TBL1X: variants seen among roughly 807,000 people sequenced by gnomAD.
The protein encoded by TBL1X is transducin beta like 1 X-linked.
Under a neutral mutation model 50.7 loss-of-function variants are expected in TBL1X, and 10 were observed. The observed-to-expected ratio is 0.20, with a 90% CI of 0.12 to 0.33. The LOEUF (loss-of-function observed/expected upper bound fraction) is 0.33, where lower values mean the gene tolerates loss of function less well. Among genes scored for constraint, TBL1X ranks in the 10% least tolerant of loss-of-function variants. The pLI is 1.00. For missense variants in TBL1X, 340 were observed against 504.4 expected (o/e 0.67, Z 3.12); for synonymous variants, 190 against 214.7 (o/e 0.88, Z 1.01).
intron 1 of TBL1X, among the ~76,000 whole-genome samples, chrX:9,490,143 A>AT (rs71707662): frequency 0.16 from 17,510 of 106,766 alleles, 1,332 homozygotes; most frequent in African/African-American, 0.27. Context: ...CTTTTTAAAC[A>AT]TTTTTTTTGT....
chrX:9,627,918 C>T (rs1392887623), intron 2 of TBL1X, among the ~76,000 whole-genome samples: 1 of 111,976 alleles, frequency 8.9e-6, no homozygotes, highest in Non-Finnish European at 1.9e-5. Context: ...ATATAATGGA[C>T]ATAATATTAA....
At chrX:9,541,766 G>A (rs1289865165) in intron 2 of TBL1X, among the ~76,000 whole-genome samples, 1 of 111,013 alleles carries the variant, frequency 9.0e-6, no homozygotes, top group African/African-American at 3.3e-5. Context: ...GCAGCGTTTT[G>A]GTCACCCCTC....
chrX:9,626,666 A>G (rs749902039), intron 2 of TBL1X, among the ~76,000 whole-genome samples: 6 of 112,766 alleles, frequency 5.3e-5, no homozygotes, highest in Middle Eastern at 4.6e-3. Flanking sequence ...ATTTGTGGCC[A>G]TGGCCCATGA....
intron 2 of TBL1X, among the ~76,000 whole-genome samples, chrX:9,595,859 A>G (rs1450376821): frequency 8.9e-6 from 1 of 112,435 alleles, no homozygotes; most frequent in African/African-American, 3.2e-5. Context: ...TCATTCTGTG[A>G]TATGTTTAAA....
chrX:9,536,828 T>C (rs1180875933), intron 2 of TBL1X, among the ~76,000 whole-genome samples: 1 of 111,544 alleles, frequency 9.0e-6, no homozygotes, highest in Non-Finnish European at 1.9e-5. Context: ...GGTCAAATAT[T>C]GCTAATTTGA....
chrX:9,565,985 C>A (rs1006196927), intron 2 of TBL1X, among the ~76,000 whole-genome samples: 9 of 111,957 alleles, frequency 8.0e-5, no homozygotes, highest in Non-Finnish European at 1.7e-4. Context: ...ATAAAAGGAG[C>A]CTTTTGCCTC....
intron 2 of TBL1X, among the ~76,000 whole-genome samples, chrX:9,635,817 A>G (rs192180039): frequency 1.7e-3 from 188 of 112,176 alleles, no homozygotes; most frequent in Admixed American, 3.7e-3. Context: ...CAGGTAAAGA[A>G]GGATAAAGGC....
intron 2 of TBL1X, among the ~76,000 whole-genome samples, chrX:9,541,533 A>G (rs1357462716): frequency 8.9e-6 from 1 of 112,566 alleles, no homozygotes; most frequent in Non-Finnish European, 1.9e-5. Context: ...GAAACAAAAA[A>G]CAGGGAACAC....
chrX:9,615,118 G>A (rs113987899), intron 2 of TBL1X, among the ~76,000 whole-genome samples: 80 of 111,728 alleles, frequency 7.2e-4, no homozygotes, highest in African/African-American at 2.2e-3. Flanking sequence ...GACATCACTC[G>A]CAGCTATAGA....
chrX:9,488,549 A>G (rs189967155), intron 1 of TBL1X, among the ~76,000 whole-genome samples: 4 of 111,963 alleles, frequency 3.6e-5, no homozygotes, highest in African/African-American at 9.7e-5. Context: ...TAATCCCCAC[A>G]TCTCAAGAGA....
Position 9,492,884 on chromosome X carries a change from T to TGG in TBL1X, c.-200-8895_-200-8894insGG, listed in dbSNP as rs1569206157. On this transcript the variant is annotated intron_variant, in intron 1 of 17. Coordinates refer to ENST00000645353, the MANE Select transcript of TBL1X (RefSeq NM_005647.4). ...GTGTGTGTGTGTGTGTGTGTGTGTGTGTGTGTGTGTGTGTAGGGGAGGAAG... is the reference window on the plus strand; with the variant it reads ...GTGTGTGTGTGTGTGTGTGTGTGTGTGGGTGTGTGTGTGTGTAGGGGAGGAAG... Among the ~76,000 whole-genome samples the TGG allele has an allele frequency of 7.8e-4, 35 of 45,069 alleles. 3 individuals are homozygous for TGG. In the East Asian group the frequency reaches 0.013, roughly 17 times the overall value. The allele number at this position is 45,069 out of a possible 115,157, so 39.1% of individuals were successfully genotyped here. A position where few individuals can be genotyped will look rare whatever the true frequency, so the allele number is the denominator to read the frequency against.
intron 6 of TBL1X, among the ~76,000 whole-genome samples, chrX:9,687,374 A>G (rs1326692340): frequency 8.9e-6 from 1 of 112,475 alleles, no homozygotes; most frequent in Non-Finnish European, 1.9e-5. Flanking sequence ...ATCCAGGCCT[A>G]AATGCTGTGT....
intron 1 of TBL1X, among the ~76,000 whole-genome samples, chrX:9,501,172 C>T (rs1229843336): frequency 8.9e-6 from 1 of 112,059 alleles, no homozygotes; most frequent in Non-Finnish European, 1.9e-5. Flanking sequence ...AGTACAAGGA[C>T]TTTGCAGTCA....
At chrX:9,602,712 T>A (rs150317198) in intron 2 of TBL1X, among the ~76,000 whole-genome samples, 2,157 of 112,303 alleles carry the variant, frequency 0.019, 49 homozygotes, top group African/African-American at 0.065. Flanking sequence ...GACTAAAATT[T>A]CTCTATCTTT....
intron 2 of TBL1X, among the ~76,000 whole-genome samples, chrX:9,575,243 C>T (rs1415383378): frequency 3.6e-5 from 4 of 110,870 alleles, no homozygotes; most frequent in African/African-American, 6.6e-5. Flanking sequence ...GGGGGAAACC[C>T]GCCCCCATGA....
chrX:9,662,963 A>T (rs751842400), intron 5 of TBL1X, among the ~76,000 whole-genome samples: 44 of 111,253 alleles, frequency 4.0e-4, no homozygotes, highest in African/African-American at 9.8e-4. Context: ...TCTCTTAAAA[A>T]TTTTTTTTAA....
intron 7 of TBL1X, among the ~76,000 whole-genome samples, 178 bp downstream of exon 7, chrX:9,688,453 C>A (rs778945363): frequency 8.9e-6 from 1 of 112,353 alleles, no homozygotes; most frequent in Non-Finnish European, 1.9e-5. Flanking sequence ...CCATCACAAC[C>A]CTTGGACCTG....
chrX:9,480,490 C>G (rs927511126), intron 1 of TBL1X, among the ~76,000 whole-genome samples: 4 of 111,784 alleles, frequency 3.6e-5, no homozygotes, highest in African/African-American at 1.3e-4. Flanking sequence ...TTTAGTTTTT[C>G]TGTAGGTTGA....
chrX:9,671,501 G>T (rs891982646), intron 5 of TBL1X, among the ~76,000 whole-genome samples: 1 of 113,387 alleles, frequency 8.8e-6, no homozygotes, highest in African/African-American at 3.2e-5. Context: ...TCTGGGTGAG[G>T]TTCTGTATCT....
Sources: allele counts gnomAD v4.1 joint callset (sites outside exome capture counted in the v4.1 genomes callset), GRCh38; gene constraint gnomAD v4.1.1; transcripts MANE v1.5; gene names NCBI Gene and HGNC (gene_info 2026-07-23, HGNC 2026-07-21).